SLC25A48: variants seen among roughly 807,000 people sequenced by gnomAD.
SLC25A48 encodes solute carrier family 25 member 48, also known as CTC-321K16.1.
In SLC25A48, 29 loss-of-function variants were observed where a neutral mutation model predicts 32.2. The observed-to-expected ratio is 0.90, with a 90% CI of 0.67 to 1.23. The LOEUF (loss-of-function observed/expected upper bound fraction) is 1.23, where lower values mean the gene tolerates loss of function less well. Ranked by LOEUF, SLC25A48 falls within the 50% of genes most tolerant of loss-of-function variation. SLC25A48 has a pLI of 0.00. For missense variants in SLC25A48, 399 were observed against 422.7 expected (o/e 0.94, Z 0.49); for synonymous variants, 164 against 172.3 (o/e 0.95, Z 0.38).
chr5:135,719,716 G>A (rs1019486606), intron 3 of SLC25A48, among the ~76,000 whole-genome samples: 45 of 152,178 alleles, frequency 3.0e-4, no homozygotes, highest in African/African-American at 1.0e-3. Context: ...TGCCAGCTGA[G>A]GGTATGGCCT....
chr5:135,696,347 A>G (rs897709395), intron 3 of SLC25A48, among the ~76,000 whole-genome samples: 2 of 152,222 alleles, frequency 1.3e-5, no homozygotes, highest in African/African-American at 2.4e-5. Context: ...TAGTACTGTC[A>G]GGATGTTAGG....
chr5:135,760,526 C>T (rs552326287), intron 3 of SLC25A48, among the ~76,000 whole-genome samples: 5 of 152,294 alleles, frequency 3.3e-5, no homozygotes, highest in South Asian at 2.1e-4. Flanking sequence ...AAAAAATGCC[C>T]GTTGGTGATT....
chr5:135,803,708 T>C lies in SLC25A48; in HGVS notation c.-520-8815T>C, dbSNP rs1166477348. On this transcript the variant is annotated intron_variant, in intron 3 of 10. Coordinates refer to the SLC25A48 transcript ENST00000646290. ...TTAAGTGTAATATCTCCCTAGGATATTATGAATCATATCAAAGGGTGTACA... is the reference window on the plus strand; with the variant it reads ...TTAAGTGTAATATCTCCCTAGGATACTATGAATCATATCAAAGGGTGTACA... 1.1e-4 allele frequency among the ~76,000 whole-genome samples: 16 copies of C among 151,576 alleles called. 1 individual carries two copies. Among genetic ancestry groups the C allele is most frequent in the African/African-American group, 3.9e-4 (16 of 41,366 alleles).
At chr5:135,666,157 T>C (rs748671873) in intron 3 of SLC25A48, among the ~76,000 whole-genome samples, 11 of 152,174 alleles carry the variant, frequency 7.2e-5, no homozygotes, top group Non-Finnish European at 1.5e-4. Flanking sequence ...TGACCAGCTC[T>C]GCCACCATTC....
At chr5:135,850,341 A>G in intron 2 of SLC25A48, 84 bp from the exon 3 acceptor site, 1 of 1,391,476 alleles carries the variant, frequency 7.2e-7, no homozygotes, top group Non-Finnish European at 1.0e-6. Flanking sequence ...CACTATGAGC[A>G]GGGCCTTTCC....
rs114264299 is a variant in SLC25A48, at chr5:135,709,732, A to G, written c.-521+74776A>G. Reference sequence around the variant, plus strand: ...TCTAGTTTTCTCCTTTTAAATGTATATAATAATAATATCTACATTATATGA... The same window carrying G: ...TCTAGTTTTCTCCTTTTAAATGTATGTAATAATAATATCTACATTATATGA... On this transcript the variant is annotated intron_variant, in intron 3 of 10. Transcript: ENST00000646290. Among the ~76,000 whole-genome samples, 359 of 152,290 alleles carry G rather than the reference A, an allele frequency of 2.4e-3. 2 individuals carry two copies. Among genetic ancestry groups the G allele is most frequent in the African/African-American group, 8.4e-3 (349 of 41,566 alleles).
chr5:135,627,506 C>T (rs1264855891), intron 1 of SLC25A48, among the ~76,000 whole-genome samples: 1 of 152,186 alleles, frequency 6.6e-6, no homozygotes, highest in East Asian at 1.9e-4. Context: ...GGGTTGCCTC[C>T]TCTTTCCCCG....
chr5:135,847,522 G>T (rs926673003), intron 2 of SLC25A48, among the ~76,000 whole-genome samples: 4 of 152,226 alleles, frequency 2.6e-5, no homozygotes, highest in Admixed American at 6.5e-5. Flanking sequence ...AACTTTGCAG[G>T]TATGATTATG....
At chr5:135,634,856 GGA>G (rs1292533031) in exon 3 of SLC25A48, 1 of 152,222 alleles carries the variant, frequency 6.6e-6, no homozygotes, top group Non-Finnish European at 1.5e-5. Flanking sequence ...GCCACATTGG[GGA>G]GAGTCATCTC....
At chr5:135,706,120 G>A (rs113230929) in intron 3 of SLC25A48, among the ~76,000 whole-genome samples, 1 of 152,096 alleles carries the variant, frequency 6.6e-6, no homozygotes, top group African/African-American at 2.4e-5. Context: ...CCGCCCCACT[G>A]CGCCCTTTAC....
At chr5:135,671,243 C>A (rs546341360) in intron 3 of SLC25A48, among the ~76,000 whole-genome samples, 1 of 152,212 alleles carries the variant, frequency 6.6e-6, no homozygotes, top group Non-Finnish European at 1.5e-5. Context: ...TGTGCCCATA[C>A]AAGCCCAGAC....
chr5:135,773,715 G>A lies in SLC25A48; in HGVS notation c.-520-38808G>A, dbSNP rs146506460. ...AGAAGATTATATTACTCCTAATATC[G>A]CAGGGTTGTACACCACTGCTGTGAC... On this transcript the variant is annotated intron_variant, in intron 3 of 10. Transcript: ENST00000646290. Among the ~76,000 whole-genome samples the A allele has an allele frequency of 1.4e-3, 210 of 150,934 alleles. 1 individual carries two copies. The highest frequency in any genetic ancestry group is 4.8e-3 in the African/African-American group (197 of 41,134).
At position 135,792,198 on chromosome 5, in the gene SLC25A48, G is replaced by A. The variant is rs559118273; in HGVS notation, c.-520-20325G>A. Among the ~76,000 whole-genome samples, 10 of 151,862 alleles carry A rather than the reference G, an allele frequency of 6.6e-5. No individual in the cohort carries two copies. In the East Asian group the frequency reaches 1.4e-3, roughly 21 times the overall value. On this transcript the variant is annotated intron_variant, in intron 3 of 10. Coordinates refer to the SLC25A48 transcript ENST00000646290. ...GTACACTATGTGTGTACACCGCTGC[G>A]TTATGTTATTCCTAATAACCTTTGG...
chr5:135,747,550 G>A (rs1171266674), intron 3 of SLC25A48, among the ~76,000 whole-genome samples: 3 of 151,898 alleles, frequency 2.0e-5, no homozygotes, highest in Non-Finnish European at 2.9e-5. Context: ...TCATTTCTTC[G>A]GGGAGCCTTG....
chr5:135,687,253 C>T lies in SLC25A48; in HGVS notation c.-521+52297C>T, dbSNP rs1202029193. Reference sequence around the variant, plus strand: ...TACAGATTGGGTGAGAAGGTGAGCACTTTACCACCTATATATTTGGAAAAT... The same window carrying T: ...TACAGATTGGGTGAGAAGGTGAGCATTTTACCACCTATATATTTGGAAAAT... On this transcript the variant is annotated intron_variant, in intron 3 of 10. Transcript: ENST00000646290. 2.6e-5 allele frequency among the ~76,000 whole-genome samples: 4 copies of T among 152,264 alleles called. No homozygotes were observed. In the East Asian group the frequency reaches 7.7e-4, roughly 29 times the overall value.
intron 4 of SLC25A48, among the ~76,000 whole-genome samples, chr5:135,866,308 C>A (rs1264649606): frequency 6.6e-6 from 1 of 152,226 alleles, no homozygotes; most frequent in African/African-American, 2.4e-5. Flanking sequence ...AGTGGCCAGC[C>A]ATTGTGTTTC....
intron 3 of SLC25A48, among the ~76,000 whole-genome samples, chr5:135,665,925 G>A (rs2158087): frequency 6.6e-6 from 1 of 152,134 alleles, no homozygotes; most frequent in Non-Finnish European, 1.5e-5. Flanking sequence ...CTGCTCTGTA[G>A]AATACTTATT....
intron 7 of SLC25A48, among the ~76,000 whole-genome samples, chr5:135,884,583 GGAGAGACCAGCCTGCCT>G (rs1361042150): frequency 1.4e-5 from 2 of 147,610 alleles, no homozygotes; most frequent in Non-Finnish European, 3.1e-5. Flanking sequence ...TCTATTGATG[GGAGAGACCAGCCTGCCT>G]GTCTGCCCCA....
chr5:135,795,291 T>G (rs1342488091), intron 3 of SLC25A48, among the ~76,000 whole-genome samples: 2 of 151,718 alleles, frequency 1.3e-5, no homozygotes, highest in African/African-American at 4.8e-5. Context: ...TAATATCCAG[T>G]GGGGAGAGGA....
Sources: gnomAD v4.1 joint callset for allele counts (sites outside exome capture counted in the v4.1 genomes callset) on GRCh38, gnomAD v4.1.1 for gene constraint, MANE v1.5 for transcripts, NCBI Gene and HGNC (gene_info 2026-07-23, HGNC 2026-07-21) for gene names.